SIX3: variants seen among roughly 807,000 people sequenced by gnomAD.
SIX3 encodes SIX homeobox 3, also known as homeobox protein SIX3.
Under a neutral mutation model 21.7 loss-of-function variants are expected in SIX3, and 2 were observed. That is an observed-to-expected ratio of 0.09 (90% CI 0.04 to 0.29). The LOEUF (loss-of-function observed/expected upper bound fraction) is 0.29. Among genes scored for constraint, SIX3 ranks in the 10% least tolerant of loss-of-function variants. The probability of loss-of-function intolerance (pLI) is 1.00; values close to 1 mark genes in which losing one functional copy is unlikely to be tolerated. For missense variants in SIX3, 347 were observed against 480.7 expected (o/e 0.72, Z 2.60); for synonymous variants, 243 against 220.6 (o/e 1.10, Z -0.90).
At position 44,942,206 on chromosome 2, in the gene SIX3, C is replaced by A. The variant is rs1666590498; in HGVS notation, c.102C>A (p.Gly34=). 1 of 1,595,024 alleles carries A rather than the reference C, an allele frequency of 6.3e-7. No homozygotes were observed. The highest frequency in any genetic ancestry group is 1.3e-5 in the African/African-American group (1 of 74,620). ...CCATACTTCTGGCGAGTAGCGGCGGCGGGAACGGTGCGGGAGGCGGCGGCG... is the reference window on the plus strand; with the variant it reads ...CCATACTTCTGGCGAGTAGCGGCGGAGGGAACGGTGCGGGAGGCGGCGGCG... ...HRSILLASSG[G]GNGAGGGGGA... Residue 34 remains glycine (G), a synonymous_variant, in exon 1 of 2, where the codon GGC becomes GGA. Coordinates refer to ENST00000260653, the MANE Select transcript of SIX3 (RefSeq NM_005413.4). This position sits in a 1 kb window ranked among gnomAD's most constrained non-coding sequence, Gnocchi z 8.4.
At position 44,944,780 on chromosome 2, in the gene SIX3, C is replaced by G; in HGVS notation, c.*20C>G. On this transcript the variant is annotated 3_prime_UTR_variant, in exon 2 of 2. Coordinates refer to ENST00000260653, the MANE Select transcript of SIX3 (RefSeq NM_005413.4). ...GTATGATAGCCAAGGCCGCCCTCCT[C>G]CCTCTCCTTCCCCTCCTCCCCCACT... 2 of 1,553,044 alleles carry G rather than the reference C, an allele frequency of 1.3e-6. No individual in the cohort carries two copies. Among genetic ancestry groups the G allele is most frequent in the Non-Finnish European group, 1.7e-6 (2 of 1,152,982 alleles).
In SIX3 at chr2:44,942,198, A is replaced by AGCGGCGGCGGGAACGGTGCGGGAG; in HGVS notation, c.105_128dup (p.Asn36_Gly43dup). ...CCACCGCTCCATACTTCTGGCGAGT[A>AGCGGCGGCGGGAACGGTGCGGGAG]GCGGCGGCGGGAACGGTGCGGGAGG... On this transcript the variant is annotated inframe_insertion, in exon 1 of 2. Transcript: ENST00000260653. The surrounding 1 kb of genome is among the most constrained non-coding windows in gnomAD (Gnocchi z 8.4). The AGCGGCGGCGGGAACGGTGCGGGAG allele has an allele frequency of 1.9e-6, 3 of 1,595,694 alleles. No individual in the cohort carries two copies. Among genetic ancestry groups the AGCGGCGGCGGGAACGGTGCGGGAG allele is most frequent in the Non-Finnish European group, 2.5e-6 (3 of 1,177,960 alleles).
chr2:44,944,843 C>T lies in SIX3; in HGVS notation c.*83C>T, dbSNP rs1666658369. 1 of 1,257,806 alleles carries T rather than the reference C, an allele frequency of 8.0e-7. No homozygotes were observed. Among genetic ancestry groups the T allele is most frequent in the South Asian group, 1.3e-5 (1 of 78,354 alleles). The allele number at this position is 1,257,806 out of a possible 1,614,324, so 77.9% of individuals were successfully genotyped here. On this transcript the variant is annotated 3_prime_UTR_variant, in exon 2 of 2. Transcript: ENST00000260653. ...CCTCCTAGCCCTCCTCCTCTTCCTC[C>T]TCTTCCTTCTCCTCCTCCATCCCCA...
At position 44,942,745 on chromosome 2, in the gene SIX3, A is replaced by T; in HGVS notation, c.641A>T (p.Lys214Met). 1.2e-6 allele frequency: 2 copies of T among 1,601,506 alleles called. No homozygotes were observed. The highest frequency in any genetic ancestry group is 1.7e-6 in the Non-Finnish European group (2 of 1,179,804). ...WDGEQKTHCF[K>M]ERTRSLLREW... ...GGCGAGCAGAAGACGCATTGCTTCAAGGAGCGGACTCGGAGCCTGTTGCGG... is the reference window on the plus strand; with the variant it reads ...GGCGAGCAGAAGACGCATTGCTTCATGGAGCGGACTCGGAGCCTGTTGCGG... Residue 214 changes from lysine (K) to methionine (M), a missense_variant, in exon 1 of 2, where the codon AAG becomes ATG. Transcript: ENST00000260653. This position sits in a 1 kb window ranked among gnomAD's most constrained non-coding sequence, Gnocchi z 8.4.
chr2:44,943,617 A>G (rs1056253092), intron 1 of SIX3, among the ~76,000 whole-genome samples: 16 of 152,260 alleles, frequency 1.1e-4, no homozygotes, highest in Middle Eastern at 3.2e-3. Flanking sequence ...ACAAAATTGT[A>G]TAGGGCTTGA....
At position 44,945,092 on chromosome 2, in the gene SIX3, G is replaced by A; in HGVS notation, c.*332G>A. 2.4e-6 allele frequency: 1 copy of A among 417,618 alleles called. No individual in the cohort carries two copies. Among genetic ancestry groups the A allele is most frequent in the Non-Finnish European group, 4.4e-6 (1 of 227,338 alleles). The allele number at this position is 417,618 out of a possible 1,614,324, so 25.9% of individuals were successfully genotyped here. ...AGAAAACATAAAAGAGGTGACAATTGTATACTTTCTAGGACAAGCACGGCT... is the reference window on the plus strand; with the variant it reads ...AGAAAACATAAAAGAGGTGACAATTATATACTTTCTAGGACAAGCACGGCT... On this transcript the variant is annotated 3_prime_UTR_variant, in exon 2 of 2. Coordinates refer to ENST00000260653, the MANE Select transcript of SIX3 (RefSeq NM_005413.4).
At position 44,942,108 on chromosome 2, in the gene SIX3, G is replaced by A. The variant is rs766767053; in HGVS notation, c.4G>A (p.Val2Ile). The part of the protein sequence containing the change: M[V>I]FRSPLDLYSS... The stretch of plus-strand genomic sequence containing the variant: ...TCCTCTCCTCTCAGGTCAGTCCATG[G>A]TATTCCGCTCCCCCCTAGACCTCTA... Residue 2 changes from valine (V) to isoleucine (I), a missense_variant, in exon 1 of 2, where the codon GTA becomes ATA. Physicochemically the swap from Val to Ile is conservative, Grantham distance 29 (BLOSUM62 3). Coordinates refer to ENST00000260653, the MANE Select transcript of SIX3 (RefSeq NM_005413.4). This position sits in a 1 kb window ranked among gnomAD's most constrained non-coding sequence, Gnocchi z 8.4. 1.3e-6 allele frequency: 2 copies of A among 1,589,342 alleles called. No homozygotes were observed. Among genetic ancestry groups the A allele is most frequent in the South Asian group, 1.1e-5 (1 of 90,896 alleles).
At position 44,945,411 on chromosome 2, in the gene SIX3, C is replaced by G. The variant is rs577378844; in HGVS notation, c.*651C>G. On this transcript the variant is annotated 3_prime_UTR_variant, in exon 2 of 2. Transcript: ENST00000260653. ...AATGTGTCTTGCCTTTTGTTGCTCT[C>G]TCTCTCTTTTTTTTTCTCTCGCTCT... is the stretch of plus-strand genomic sequence containing the variant. 3.5e-5 allele frequency: 4 copies of G among 115,920 alleles called. No homozygotes were observed. The East Asian group carries it at 1.3e-3, about 38-fold the overall frequency. 7.2% of individuals were successfully genotyped at this position (115,920 alleles called of 1,614,324 possible).
Position 44,942,654 on chromosome 2 carries a change from C to G in SIX3, c.550C>G (p.Pro184Ala). The G allele has an allele frequency of 6.3e-7, 1 of 1,598,310 alleles. No homozygotes were observed. Among genetic ancestry groups the G allele is most frequent in the Non-Finnish European group, 8.5e-7 (1 of 1,179,076 alleles). The part of the protein sequence containing the change: ...YQEAEKLRGR[P>A]LGPVDKYRVR... ...GGAGGCCGAGAAGCTGCGCGGCCGC[C>G]CACTCGGCCCGGTGGACAAGTACCG... Residue 184 changes from proline (P) to alanine (A), a missense_variant, in exon 1 of 2, where the codon CCA (proline) becomes GCA (alanine). Around this residue, in one of 4 missense-constraint regions of SIX3, gnomAD observed 117 missense variants for 205.9 expected, o/e 0.57. Transcript: ENST00000260653. This position sits in a 1 kb window ranked among gnomAD's most constrained non-coding sequence, Gnocchi z 8.4.
chr2:44,944,443 C>T, intron 1 of SIX3, 125 bp from the exon 2 acceptor site: 1 of 1,162,990 alleles, frequency 8.6e-7, no homozygotes, highest in South Asian at 1.3e-5. Context: ...TGCCTCTCCT[C>T]CGAGGCCAGC....
Position 44,944,559 on chromosome 2 carries a change from C to T in SIX3, c.807-9C>T. The T allele has an allele frequency of 1.9e-6, 3 of 1,566,546 alleles. No homozygotes were observed. Among genetic ancestry groups the T allele is most frequent in the Non-Finnish European group, 2.6e-6 (3 of 1,163,300 alleles). ...TGTCAGGGCGGGCGCGGATCTCTTT[C>T]TCCCGCAGGCTCCAGCACCAGGCCA... On this transcript the variant is annotated splice_polypyrimidine_tract_variant and intron_variant, in intron 1 of 1. Transcript: ENST00000260653.
chr2:44,944,511 G>A lies in SIX3; in HGVS notation c.807-57G>A, dbSNP rs1244900073. On this transcript the variant is annotated intron_variant, in intron 1 of 1. Coordinates refer to ENST00000260653, the MANE Select transcript of SIX3 (RefSeq NM_005413.4). Reference sequence around the variant, plus strand: ...AGCGGAATGGGGAGCGGCGGCGCGGGGGAGCCGGGTGGCGGGCCTCTGTGT... The same window carrying A: ...AGCGGAATGGGGAGCGGCGGCGCGGAGGAGCCGGGTGGCGGGCCTCTGTGT... 26 of 1,513,756 alleles carry A rather than the reference G, an allele frequency of 1.7e-5. No individual in the cohort carries two copies. In the East Asian group the frequency reaches 3.9e-4, roughly 23 times the overall value. The allele number at this position is 1,513,756 out of a possible 1,614,324, so 93.8% of individuals were successfully genotyped here.
chr2:44,945,068 GA>G lies in SIX3; in HGVS notation c.*312del. The G allele has an allele frequency of 2.0e-6, 1 of 501,558 alleles. No individual in the cohort carries two copies. The highest frequency in any genetic ancestry group is 2.3e-5 in the South Asian group (1 of 44,172). The allele number at this position is 501,558 out of a possible 1,614,324, so 31.1% of individuals were successfully genotyped here. On this transcript the variant is annotated 3_prime_UTR_variant, in exon 2 of 2. Transcript: ENST00000260653. ...CAGTCAAACGCTGATGTTGCGGGCA[GA>G]AAACATAAAAGAGGTGACAATTGTA...
Position 44,942,285 on chromosome 2 carries a change from G to T in SIX3, c.181G>T (p.Gly61Ter), listed in dbSNP as rs575387114. 1.9e-6 allele frequency: 3 copies of T among 1,550,412 alleles called. No homozygotes were observed. The highest frequency in any genetic ancestry group is 1.2e-5 in the South Asian group (1 of 85,922). The change falls in exon 1 of 2, where the codon GGA becomes TGA. Residue 61 changes from glycine (G) to a stop codon, truncating the protein, a stop_gained. Transcript: ENST00000260653. LOFTEE classifies it high-confidence loss of function. The surrounding 1 kb of genome is among the most constrained non-coding windows in gnomAD (Gnocchi z 8.4). ...CGGTGCGGGAGGCGGCGGTGCTGGC[G>T]GAGCAGGCGGCGGCGGCGGCGGCGG... ...GNGAGGGGAG[G>*]AGGGGGGGSR...
chr2:44,944,595 C>A lies in SIX3; in HGVS notation c.834C>A (p.Ser278Arg), dbSNP rs1666651672. Residue 278 changes from serine to arginine, a missense_variant, in exon 2 of 2, where the codon AGC becomes AGA. Ser to Arg is a moderately radical substitution (Grantham distance 110, BLOSUM62 -1). This residue lies in a region of SIX3 where 110 missense variants were observed against 93.3 expected (regional missense o/e 1.18). Transcript: ENST00000260653. ...TCCAGCACCAGGCCATTGGACCGAG[C>A]GGCATGCGCTCGCTGGCCGAGCCCG... Reference protein sequence around the residue: ...NRLQHQAIGPSGMRSLAEPGC... With the variant: ...NRLQHQAIGPRGMRSLAEPGC... The A allele has an allele frequency of 6.3e-7, 1 of 1,577,772 alleles. No homozygotes were observed. Among genetic ancestry groups the A allele is most frequent in the Admixed American group, 1.7e-5 (1 of 58,332 alleles).
In SIX3 at chr2:44,941,976, C is replaced by T; in HGVS notation, c.-129C>T. On this transcript the variant is annotated 5_prime_UTR_variant, in exon 1 of 2. Coordinates refer to ENST00000260653, the MANE Select transcript of SIX3 (RefSeq NM_005413.4). ...TCCTCCTCTCCCTCCTCCTCCTGCT[C>T]CCCCCTCCTTTCCTTCTCCTCCTCC... 1.7e-6 allele frequency: 1 copy of T among 597,794 alleles called. No individual in the cohort carries two copies. 37.0% of individuals were successfully genotyped at this position (597,794 alleles called of 1,614,324 possible).
In SIX3 at chr2:44,944,754, T is replaced by C. The variant is rs1276811710; in HGVS notation, c.993T>C (p.Asp331=). Residue 331 remains aspartate, a synonymous_variant, in exon 2 of 2, where the codon GAT becomes GAC. Transcript: ENST00000260653. The part of the protein sequence containing the change: ...LSVTSSDSEC[D]V The stretch of plus-strand genomic sequence containing the variant: ...TAACCTCCAGCGACTCGGAATGTGA[T>C]GTATGATAGCCAAGGCCGCCCTCCT... 3.2e-6 allele frequency: 5 copies of C among 1,584,580 alleles called. No homozygotes were observed. Among genetic ancestry groups the C allele is most frequent in the Middle Eastern group, 1.7e-4 (1 of 6,044 alleles).
rs963808374 is a variant in SIX3, at chr2:44,944,944, A to G, written c.*184A>G. ...ACACTCCCACCCCAGCCAAAAATAT[A>G]TAAAAAACAAGAAAATAACAAATTA... is the stretch of plus-strand genomic sequence containing the variant. On this transcript the variant is annotated 3_prime_UTR_variant, in exon 2 of 2. Transcript: ENST00000260653. The G allele has an allele frequency of 9.7e-6, 6 of 619,814 alleles. No homozygotes were observed. Among genetic ancestry groups the G allele is most frequent in the African/African-American group, 1.8e-5 (1 of 54,106 alleles). 38.4% of individuals were successfully genotyped at this position (619,814 alleles called of 1,614,324 possible).
At position 44,941,920 on chromosome 2, in the gene SIX3, GTGT is replaced by G. The variant is rs1666577987; in HGVS notation, c.-184_-182del. On this transcript the variant is annotated 5_prime_UTR_variant, in exon 1 of 2. Transcript: ENST00000260653. The stretch of plus-strand genomic sequence containing the variant: ...TGCGCGGGTGTGTGTGTGTGTGGAT[GTGT>G]GTGGGGTGTGGGTGTCCCTTACGCC... The G allele has an allele frequency of 1.7e-6, 1 of 578,058 alleles. No homozygotes were observed. The highest frequency in any genetic ancestry group is 2.2e-5 in the Admixed American group (1 of 45,266). The allele number at this position is 578,058 out of a possible 1,614,324, so 35.8% of individuals were successfully genotyped here.
Sources: allele counts gnomAD v4.1 joint callset (sites outside exome capture counted in the v4.1 genomes callset), GRCh38; gene constraint gnomAD v4.1.1; regional missense constraint gnomAD v4.1.1; non-coding constraint Gnocchi (gnomAD v3.1); transcripts MANE v1.5; gene names NCBI Gene and HGNC (gene_info 2026-07-23, HGNC 2026-07-21).